The following GXYLT2 variants were observed in gnomAD, a reference collection of about 807,000 sequenced individuals.
The protein encoded by GXYLT2 is glucoside xylosyltransferase 2.
Under a neutral mutation model 45.8 loss-of-function variants are expected in GXYLT2, and 53 were observed. That is an observed-to-expected ratio of 1.16 (90% CI 0.93 to 1.46). The LOEUF (loss-of-function observed/expected upper bound fraction) is 1.46, where lower values mean the gene tolerates loss of function less well. Ranked by LOEUF, GXYLT2 falls within the 40% of genes most tolerant of loss-of-function variation. The pLI is 0.00. For missense variants in GXYLT2, 551 were observed against 544.4 expected (o/e 1.01, Z -0.12); for synonymous variants, 219 against 214.2 (o/e 1.02, Z -0.19).
chr3:72,919,868 T>C (rs1302999994), intron 2 of GXYLT2, among the ~76,000 whole-genome samples: 2 of 152,214 alleles, frequency 1.3e-5, no homozygotes. Flanking sequence ...AGATACATGA[T>C]GTGCATTTGC....
At chr3:72,958,052 C>T (rs1553710418) in intron 5 of GXYLT2, among the ~76,000 whole-genome samples, 2 of 152,110 alleles carry the variant, frequency 1.3e-5, no homozygotes, top group Non-Finnish European at 2.9e-5. Flanking sequence ...GGGCGGATCA[C>T]TTGAGGTCGA....
intron 1 of GXYLT2, among the ~76,000 whole-genome samples, chr3:72,896,074 G>C (rs1709286138): frequency 6.6e-6 from 1 of 152,124 alleles, no homozygotes; most frequent in Non-Finnish European, 1.5e-5. Flanking sequence ...TTGCTGTTCT[G>C]GGTACTATTA....
At chr3:72,954,445 A>T (rs536656703) in intron 3 of GXYLT2, among the ~76,000 whole-genome samples, 1 of 91,730 alleles carries the variant, frequency 1.1e-5, no homozygotes. Flanking sequence ...ATTTGTATTT[A>T]TATATATTTA....
intron 2 of GXYLT2, among the ~76,000 whole-genome samples, chr3:72,913,103 T>A (rs1452375730): frequency 6.7e-6 from 1 of 150,136 alleles, no homozygotes; most frequent in Non-Finnish European, 1.5e-5. Flanking sequence ...AGTGGCGCAA[T>A]CTCGGCTCAC....
intron 3 of GXYLT2, 95 bp from the exon 4 acceptor site, chr3:72,955,003 T>G (rs1188910488): frequency 4.7e-6 from 6 of 1,283,244 alleles, no homozygotes; most frequent in African/African-American, 1.5e-5. Context: ...TTGGTAGCAT[T>G]ATTTACCTAT....
rs571242256 is a variant in GXYLT2 at position 72,966,005 on chromosome 3, G to A, written c.977-1542G>A. Among the ~76,000 whole-genome samples, 14 of 152,006 alleles carry A rather than the reference G, an allele frequency of 9.2e-5. No homozygotes were observed. In the East Asian group the frequency reaches 2.7e-3, roughly 29 times the overall value. On this transcript the variant is annotated intron_variant, in intron 5 of 6. Transcript: ENST00000389617. The stretch of plus-strand genomic sequence containing the variant: ...TTGTGTTGGTTTTTGTTTTTGAGAT[G>A]GAGTCTTACTCCGTCACCCAGGCTG...
At chr3:72,904,233 C>T (rs1185558316) in intron 1 of GXYLT2, among the ~76,000 whole-genome samples, 1 of 152,246 alleles carries the variant, frequency 6.6e-6, no homozygotes, top group Non-Finnish European at 1.5e-5. Flanking sequence ...TTAAGAAGTC[C>T]TAGGTCCCTA....
At position 72,931,236 on chromosome 3, in the gene GXYLT2, A is replaced by G. The variant is rs569208682; in HGVS notation, c.600+8901A>G. Among the ~76,000 whole-genome samples the G allele has an allele frequency of 2.5e-4, 38 of 149,380 alleles. No homozygotes were observed. In the South Asian group the frequency reaches 6.6e-3, roughly 26 times the overall value. On this transcript the variant is annotated intron_variant, in intron 3 of 6. Transcript: ENST00000389617. ...TCTTTATTTTTTTATTTTATTTTCT[A>G]TTTTTTTTTTGAGACGGAGTCTTGC...
chr3:72,920,810 ATATATGTAT>A (rs1408807999), intron 2 of GXYLT2, among the ~76,000 whole-genome samples: 1 of 143,620 alleles, frequency 7.0e-6, no homozygotes, highest in African/African-American at 2.9e-5. Flanking sequence ...ATATATATAT[ATATATGTAT>A]TTTTTTTTTT....
chr3:72,903,324 A>T (rs991185104), intron 1 of GXYLT2, among the ~76,000 whole-genome samples: 1 of 152,202 alleles, frequency 6.6e-6, no homozygotes, highest in Non-Finnish European at 1.5e-5. Flanking sequence ...TCATAGTCTG[A>T]TGCTTTCCTT....
intron 3 of GXYLT2, among the ~76,000 whole-genome samples, chr3:72,932,561 G>A (rs1023863463): frequency 3.3e-5 from 5 of 152,138 alleles, no homozygotes; most frequent in Non-Finnish European, 7.3e-5. Context: ...TCTCCTCCAT[G>A]GGCCACAGGG....
In GXYLT2 at chr3:72,898,181, A is replaced by G. The variant is rs375991829; in HGVS notation, c.275+9673A>G. ...ATTTAAAGTATATAAATTACCATAA[A>G]AATTAAAAATCCCTTGATGGCCTGA... On this transcript the variant is annotated intron_variant, in intron 1 of 6. Transcript: ENST00000389617. 6.6e-5 allele frequency among the ~76,000 whole-genome samples: 10 copies of G among 152,316 alleles called. No individual in the cohort carries two copies. In the East Asian group the frequency reaches 1.7e-3, roughly 26 times the overall value.
chr3:72,925,386 C>T (rs1425658105), intron 3 of GXYLT2, among the ~76,000 whole-genome samples: 1 of 152,098 alleles, frequency 6.6e-6, no homozygotes, highest in Non-Finnish European at 1.5e-5. Context: ...GAACTCCTGA[C>T]TTCAGGTGAT....
chr3:72,893,437 C>T (rs535792626), intron 1 of GXYLT2, among the ~76,000 whole-genome samples: 10 of 152,296 alleles, frequency 6.6e-5, no homozygotes, highest in South Asian at 6.2e-4. Context: ...GCTAGCCGCT[C>T]GAGTACTCCT....
chr3:72,911,961 GTGTGTGTGTGTGTGCA>G (rs1709632877), intron 2 of GXYLT2, among the ~76,000 whole-genome samples: 1 of 143,998 alleles, frequency 6.9e-6, no homozygotes, highest in Non-Finnish European at 1.5e-5. Flanking sequence ...AGTTGGGTGT[GTGTGTGTGTGTGTGCA>G]TGTGTGTGTG....
chr3:72,960,201 G>C (rs1057176515), intron 5 of GXYLT2, among the ~76,000 whole-genome samples: 1 of 152,148 alleles, frequency 6.6e-6, no homozygotes, highest in African/African-American at 2.4e-5. Flanking sequence ...GATTATAGGC[G>C]TGAGCCACCA....
In GXYLT2 at chr3:72,975,946, T is replaced by TGC. The variant is rs1559537587; in HGVS notation, c.*787_*788insGC. On this transcript the variant is annotated 3_prime_UTR_variant, in exon 7 of 7. Coordinates refer to ENST00000389617, the MANE Select transcript of GXYLT2 (RefSeq NM_001080393.2). Reference sequence around the variant, plus strand: ...TCTTTCTTTTTTTTTTTTTTTTTTTTTTTGAGACGGAATCTCACTCTGTAG... The same window carrying TGC: ...TCTTTCTTTTTTTTTTTTTTTTTTTTGCTTTGAGACGGAATCTCACTCTGTAG... 1 of 129,604 alleles carries TGC rather than the reference T, an allele frequency of 7.7e-6. No individual in the cohort carries two copies. Among genetic ancestry groups the TGC allele is most frequent in the Non-Finnish European group, 1.7e-5 (1 of 59,674 alleles). The allele number at this position is 129,604 out of a possible 1,614,324, so 8.0% of individuals were successfully genotyped here.
At chr3:72,907,197 C>G (rs539932214) in intron 1 of GXYLT2, among the ~76,000 whole-genome samples, 3 of 152,202 alleles carry the variant, frequency 2.0e-5, no homozygotes, top group Non-Finnish European at 4.4e-5. Flanking sequence ...ATCCAAGTAA[C>G]TCTCCGCATC....
intron 5 of GXYLT2, among the ~76,000 whole-genome samples, chr3:72,964,923 G>T (rs977919956): frequency 6.6e-6 from 1 of 152,214 alleles, no homozygotes; most frequent in Non-Finnish European, 1.5e-5. Flanking sequence ...GCAGTTGGGT[G>T]TGGCCAGGCA....
Sources: gnomAD v4.1 joint callset for allele counts (sites outside exome capture counted in the v4.1 genomes callset) on GRCh38, gnomAD v4.1.1 for gene constraint, MANE v1.5 for transcripts, NCBI Gene and HGNC (gene_info 2026-07-23, HGNC 2026-07-21) for gene names.